Variants in CRADD observed in about 807,000 individuals in gnomAD.
CRADD encodes the protein death domain-containing protein CRADD.
CRADD carries 9 observed loss-of-function variants against 15.5 expected under a neutral mutation model. The observed-to-expected ratio is 0.58, with a 90% confidence interval of 0.35 to 1.01. The LOEUF (loss-of-function observed/expected upper bound fraction) is 1.01, where lower values mean the gene tolerates loss of function less well. Ranked by LOEUF, CRADD falls within the 50% of genes least tolerant of loss-of-function variation. The pLI is 0.02. For synonymous variants in CRADD, 118 were observed against 107.6 expected (o/e 1.10, Z -0.60); for missense variants, 227 against 250.3 (o/e 0.91, Z 0.63).
chr12:93,799,714 A>G (rs1435331508), intron 2 of CRADD, among the ~76,000 whole-genome samples: 1 of 152,258 alleles, frequency 6.6e-6, no homozygotes, highest in Non-Finnish European at 1.5e-5. Context: ...AAAAATACCC[A>G]GATAGTTTAA....
At chr12:93,798,025 A>G (rs1957438815) in intron 2 of CRADD, among the ~76,000 whole-genome samples, 1 of 152,226 alleles carries the variant, frequency 6.6e-6, no homozygotes, top group African/African-American at 2.4e-5. Flanking sequence ...AAGATTGGAA[A>G]CAATCTCTTT....
chr12:93,860,448 A>T (rs1958311201), intron 2 of CRADD, among the ~76,000 whole-genome samples: 1 of 152,156 alleles, frequency 6.6e-6, no homozygotes, highest in Non-Finnish European at 1.5e-5. Context: ...GGTGGTAGGG[A>T]TATAGCAGTC....
intron 2 of CRADD, among the ~76,000 whole-genome samples, chr12:93,748,984 T>A (rs1956800799): frequency 6.6e-6 from 1 of 152,212 alleles, no homozygotes; most frequent in East Asian, 1.9e-4. Context: ...TGGCTGGTGG[T>A]ACTATAGCTC....
intron 2 of CRADD, among the ~76,000 whole-genome samples, chr12:93,741,960 A>T (rs562218950): frequency 3.9e-5 from 6 of 152,098 alleles, no homozygotes; most frequent in African/African-American, 1.4e-4. Context: ...TCTACACGCC[A>T]TGATCTTTGT....
intron 2 of CRADD, among the ~76,000 whole-genome samples, chr12:93,775,729 G>A (rs755868908): frequency 6.6e-6 from 1 of 152,138 alleles, no homozygotes; most frequent in Non-Finnish European, 1.5e-5. Flanking sequence ...TCCGTTTGGA[G>A]GTTAGAGTCA....
At chr12:93,861,113 G>T (rs530572314) in intron 2 of CRADD, among the ~76,000 whole-genome samples, 3 of 152,174 alleles carry the variant, frequency 2.0e-5, no homozygotes, top group Non-Finnish European at 4.4e-5. Flanking sequence ...CTAGAGTGCC[G>T]TTGTAAAGAG....
chr12:93,773,705 A>AT (rs1489609347), intron 2 of CRADD, among the ~76,000 whole-genome samples: 1 of 150,610 alleles, frequency 6.6e-6, no homozygotes, highest in Non-Finnish European at 1.5e-5. Flanking sequence ...CTGGCAGGAG[A>AT]CGGGAGAGAG....
chr12:93,796,333 G>A (rs1957417577), intron 2 of CRADD, among the ~76,000 whole-genome samples: 1 of 151,998 alleles, frequency 6.6e-6, no homozygotes, highest in African/African-American at 2.4e-5. Flanking sequence ...GGCTGGGCAC[G>A]ATGGCTCACA....
In CRADD at chr12:93,829,125, C is replaced by CT. The variant is rs11362017; in HGVS notation, c.299-20831dup. ...TGGTCCTTATTTCCTATGATTTCAC[C>CT]TTTTTTTTTTTTTTCAATGTCATTC... is the stretch of plus-strand genomic sequence containing the variant. On this transcript the variant is annotated intron_variant, in intron 2 of 2. Transcript: ENST00000332896. 8.6e-3 allele frequency among the ~76,000 whole-genome samples: 1,228 copies of CT among 142,714 alleles called. 10 individuals carry two copies. Among genetic ancestry groups the CT allele is most frequent in the African/African-American group, 0.019 (730 of 38,572 alleles). The allele number at this position is 142,714 out of a possible 152,430, so 93.6% of individuals were successfully genotyped here.
downstream of CRADD, among the ~76,000 whole-genome samples, chr12:93,855,011 A>G (rs142329663): frequency 4.5e-4 from 68 of 152,234 alleles, no homozygotes; most frequent in East Asian, 0.01. Flanking sequence ...CCTGGGGAAC[A>G]TTGTGAAACC....
chr12:93,781,528 C>A (rs960570538), intron 2 of CRADD, among the ~76,000 whole-genome samples: 28 of 152,332 alleles, frequency 1.8e-4, no homozygotes, highest in African/African-American at 6.5e-4. Context: ...TGCTTTCTAA[C>A]AGAGAATCAG....
chr12:93,681,698 C>T (rs969341435), intron 2 of CRADD, among the ~76,000 whole-genome samples: 2 of 152,184 alleles, frequency 1.3e-5, no homozygotes, highest in East Asian at 1.9e-4. Context: ...AAACCCCGGG[C>T]ACTCCTTCCC....
intron 2 of CRADD, among the ~76,000 whole-genome samples, chr12:93,817,612 T>C (rs986105628): frequency 6.6e-6 from 1 of 152,074 alleles, no homozygotes; most frequent in African/African-American, 2.4e-5. Flanking sequence ...ATGACATATT[T>C]TTCCCTTTTC....
intron 2 of CRADD, among the ~76,000 whole-genome samples, chr12:93,867,476 T>G (rs999195240): frequency 6.7e-6 from 1 of 150,196 alleles, no homozygotes; most frequent in South Asian, 2.1e-4. Flanking sequence ...TAATTTGCTC[T>G]CTTAATGACT....
At chr12:93,878,727 G>A (rs573499077) in intron 2 of CRADD, among the ~76,000 whole-genome samples, 13 of 152,316 alleles carry the variant, frequency 8.5e-5, no homozygotes, top group East Asian at 1.9e-4. Context: ...ATGGGTGGGC[G>A]TTAGCTGAGT....
intron 2 of CRADD, among the ~76,000 whole-genome samples, chr12:93,702,924 C>T (rs1955868717): frequency 6.6e-6 from 1 of 152,190 alleles, no homozygotes; most frequent in Non-Finnish European, 1.5e-5. Flanking sequence ...GGTAAATTCC[C>T]TTCCGATTCA....
At chr12:93,689,092 G>C (rs948581407) in intron 2 of CRADD, among the ~76,000 whole-genome samples, 2 of 152,138 alleles carry the variant, frequency 1.3e-5, no homozygotes, top group Non-Finnish European at 2.9e-5. Flanking sequence ...ATTTCAACTT[G>C]CTACTTTGAG....
intron 2 of CRADD, among the ~76,000 whole-genome samples, chr12:93,872,522 A>T (rs1051164366): frequency 1.3e-5 from 2 of 152,136 alleles, no homozygotes; most frequent in East Asian, 3.9e-4. Context: ...TTCTTGTAGT[A>T]GAAAACATAG....
chr12:93,692,087 G>A lies in CRADD; in HGVS notation c.298+13015G>A, dbSNP rs543239400. The stretch of plus-strand genomic sequence containing the variant: ...TTCTGGAGCCGAAATAAAAATTAAT[G>A]GACTGAAAAATGCAATAGAGAGTAT... On this transcript the variant is annotated intron_variant, in intron 2 of 2. Coordinates refer to ENST00000332896, the MANE Select transcript of CRADD (RefSeq NM_003805.5). 3.3e-5 allele frequency among the ~76,000 whole-genome samples: 5 copies of A among 151,974 alleles called. No individual in the cohort carries two copies. In the South Asian group the frequency reaches 1.0e-3, roughly 32 times the overall value.
Sources: gnomAD v4.1 joint callset for allele counts (sites outside exome capture counted in the v4.1 genomes callset) on GRCh38, gnomAD v4.1.1 for gene constraint, MANE v1.5 for transcripts, NCBI Gene and HGNC (gene_info 2026-07-23, HGNC 2026-07-21) for gene names.